The following NEK5 variants were observed in gnomAD, a reference collection of about 807,000 sequenced individuals.
NEK5 encodes the protein NIMA related kinase 5, also known as serine/threonine-protein kinase Nek5.
Under a neutral mutation model 109.2 loss-of-function variants are expected in NEK5, and 88 were observed. The observed-to-expected ratio is 0.81, with a 90% confidence interval of 0.68 to 0.96. NEK5 has a LOEUF of 0.96. Ranked by LOEUF, NEK5 falls within the 40% of genes least tolerant of loss-of-function variation. The pLI, the probability that NEK5 is intolerant of heterozygous loss-of-function variation, is 0.00. For synonymous variants in NEK5, 283 were observed against 299.9 expected (o/e 0.94, Z 0.58); for missense variants, 834 against 920.7 (o/e 0.91, Z 1.22).
chr13:52,113,144 C>G (rs1174584907), intron 4 of NEK5, among the ~76,000 whole-genome samples: 1 of 151,400 alleles, frequency 6.6e-6, no homozygotes, highest in African/African-American at 2.4e-5. Flanking sequence ...AGCTATTGAC[C>G]TAAATGTTGA....
At chr13:52,072,139 G>T in intron 19 of NEK5, 69 bp from the exon 20 acceptor site, 6 of 1,288,874 alleles carry the variant, frequency 4.7e-6, no homozygotes, top group Non-Finnish European at 1.1e-6. Flanking sequence ...CCATATTTTC[G>T]TGTTCCTAGT....
At chr13:52,083,148 G>GAAAA in intron 17 of NEK5, 112 bp downstream of exon 17, 1 of 567,338 alleles carries the variant, frequency 1.8e-6, no homozygotes, top group Non-Finnish European at 3.1e-6. Context: ...CCGTCTCATA[G>GAAAA]AAAAAAAAAA....
chr13:52,125,238 T>G (rs1441624740), intron 3 of NEK5, among the ~76,000 whole-genome samples: 1 of 152,294 alleles, frequency 6.6e-6, no homozygotes, highest in East Asian at 1.9e-4. Context: ...CCACTAAGTT[T>G]GGGGTAATAT....
chr13:52,058,343 G>A (rs1226971557), intron 22 of NEK5, among the ~76,000 whole-genome samples: 1 of 147,488 alleles, frequency 6.8e-6, no homozygotes, highest in East Asian at 2.0e-4. Context: ...CTCATGGGTA[G>A]GAAGAATCAA....
intron 22 of NEK5, among the ~76,000 whole-genome samples, chr13:52,053,644 T>A (rs1037589031): frequency 6.6e-6 from 1 of 152,182 alleles, no homozygotes; most frequent in Non-Finnish European, 1.5e-5. Flanking sequence ...CTGCAGCTAA[T>A]TTACAACCCA....
At chr13:52,098,301 T>TAAATAAAG (rs869139108) in intron 12 of NEK5, among the ~76,000 whole-genome samples, 28 of 139,080 alleles carry the variant, frequency 2.0e-4, no homozygotes, top group African/African-American at 6.6e-4. Context: ...AATAAATAAA[T>TAAATAAAG]AAAGCCCTTT....
At chr13:52,082,961 A>G (rs897916754) in intron 17 of NEK5, among the ~76,000 whole-genome samples, 1 of 152,192 alleles carries the variant, frequency 6.6e-6, no homozygotes, top group Non-Finnish European at 1.5e-5. Context: ...ATCCTGGCCA[A>G]CATGGTGAAA....
intron 19 of NEK5, among the ~76,000 whole-genome samples, chr13:52,075,489 A>G (rs1205198951): frequency 6.6e-6 from 1 of 152,152 alleles, no homozygotes; most frequent in Non-Finnish European, 1.5e-5. Flanking sequence ...GAGCTACTAC[A>G]GTGGGGGTAA....
chr13:52,060,039 T>C (rs1420030950), intron 22 of NEK5, among the ~76,000 whole-genome samples: 2 of 152,092 alleles, frequency 1.3e-5, no homozygotes, highest in Non-Finnish European at 2.9e-5. Context: ...TTCAAATCCT[T>C]TTGGTAACTT....
chr13:52,097,722 T>C (rs1955445510), intron 12 of NEK5, among the ~76,000 whole-genome samples: 1 of 152,174 alleles, frequency 6.6e-6, no homozygotes, highest in Non-Finnish European at 1.5e-5. Context: ...TTTGAGTTAA[T>C]GCTGAAATGA....
At chr13:52,079,733 A>G (rs1196685514) in intron 17 of NEK5, among the ~76,000 whole-genome samples, 5 of 147,750 alleles carry the variant, frequency 3.4e-5, no homozygotes, top group East Asian at 4.1e-4. Flanking sequence ...CCGTCTGGGA[A>G]GTGAGGAGCG....
At position 52,080,889 on chromosome 13, in the gene NEK5, TAAA is replaced by T. The variant is rs61101943; in HGVS notation, c.1572+2368_1572+2370del. ...CGAGAAACACCCAAGAATGATCAAT[TAAA>T]AAAAAAAAAAAAAATGGTTAGGGTG... On this transcript the variant is annotated intron_variant, in intron 17 of 23. Coordinates refer to ENST00000684899, the MANE Select transcript of NEK5 (RefSeq NM_001365552.1). 3.2e-3 allele frequency among the ~76,000 whole-genome samples: 427 copies of T among 133,550 alleles called. 1 individual carries two copies. Among genetic ancestry groups the T allele is most frequent in the Middle Eastern group, 0.012 (3 of 254 alleles). 87.6% of individuals were successfully genotyped at this position (133,550 alleles called of 152,430 possible). A position where few individuals can be genotyped will look rare whatever the true frequency, so the allele number is the denominator to read the frequency against.
In NEK5 at chr13:52,083,368, T is replaced by A; in HGVS notation, c.1480-16A>T. ...TTGAGTTCTCCTTTAACACAAATTA[T>A]ACACAGTCAACAAGATTGGTTCTGA... On this transcript the variant is annotated splice_polypyrimidine_tract_variant and intron_variant, in intron 16 of 23. Coordinates refer to ENST00000684899, the MANE Select transcript of NEK5 (RefSeq NM_001365552.1). The A allele has an allele frequency of 6.7e-7, 1 of 1,503,178 alleles. No individual in the cohort carries two copies. 93.1% of individuals were successfully genotyped at this position (1,503,178 alleles called of 1,614,324 possible). A position where few individuals can be genotyped will look rare whatever the true frequency, so the allele number is the denominator to read the frequency against.
At chr13:52,098,609 A>G (rs892602136) in intron 12 of NEK5, among the ~76,000 whole-genome samples, 13 of 152,204 alleles carry the variant, frequency 8.5e-5, no homozygotes, top group Non-Finnish European at 1.9e-4. Flanking sequence ...CAATTATTAT[A>G]TCATAAAAAC....
intron 14 of NEK5, among the ~76,000 whole-genome samples, chr13:52,088,491 G>A (rs1024895103): frequency 6.4e-5 from 9 of 139,984 alleles, no homozygotes; most frequent in Non-Finnish European, 1.4e-4. Context: ...CTGATCTTAT[G>A]ATCCGCCCAC....
At chr13:52,089,029 T>G (rs1955215992) in intron 14 of NEK5, among the ~76,000 whole-genome samples, 1 of 151,716 alleles carries the variant, frequency 6.6e-6, no homozygotes, top group Non-Finnish European at 1.5e-5. Flanking sequence ...AGGCAGAGGT[T>G]GCAGTGAGCC....
At chr13:52,119,725 TCAG>T (rs1179947668) in intron 3 of NEK5, among the ~76,000 whole-genome samples, 3 of 152,182 alleles carry the variant, frequency 2.0e-5, no homozygotes, top group Non-Finnish European at 4.4e-5. Flanking sequence ...TATCTATCTT[TCAG>T]TAGCGAAGGA....
chr13:52,079,125 A>C (rs527629993), intron 17 of NEK5, among the ~76,000 whole-genome samples: 1 of 152,322 alleles, frequency 6.6e-6, no homozygotes, highest in East Asian at 1.9e-4. Context: ...AAAGAGAAAA[A>C]AGCTGTGCTA....
At chr13:52,100,312 G>A (rs924880375) in intron 11 of NEK5, among the ~76,000 whole-genome samples, 4 of 151,742 alleles carry the variant, frequency 2.6e-5, no homozygotes, top group Non-Finnish European at 5.9e-5. Context: ...CCCGGGCTAC[G>A]GTGCAGTGGC....
Sources: gnomAD v4.1 joint callset for allele counts (sites outside exome capture counted in the v4.1 genomes callset) on GRCh38, gnomAD v4.1.1 for gene constraint, MANE v1.5 for transcripts, NCBI Gene and HGNC (gene_info 2026-07-23, HGNC 2026-07-21) for gene names.